Variants in CDH12 observed in about 807,000 individuals in gnomAD.
CDH12 encodes the protein cadherin-12.
Under a neutral mutation model 74.1 loss-of-function variants are expected in CDH12, and 41 were observed. That is an observed-to-expected ratio of 0.55 (90% CI 0.43 to 0.72). The LOEUF (loss-of-function observed/expected upper bound fraction) is 0.72, where lower values mean the gene tolerates loss of function less well. CDH12 is among the 30% of genes least tolerant of loss of function. The pLI, the probability that CDH12 is intolerant of heterozygous loss-of-function variation, is 0.00. For missense variants in CDH12, 945 were observed against 977.2 expected (o/e 0.97, Z 0.44); for synonymous variants, 399 against 355.0 (o/e 1.12, Z -1.39).
intron 1 of CDH12, among the ~76,000 whole-genome samples, chr5:22,763,900 C>T (rs1481614202): frequency 6.6e-6 from 1 of 151,818 alleles, no homozygotes. Flanking sequence ...AGATATAGAA[C>T]TTCAATCAGT....
At chr5:22,288,187 A>G (rs1214322323) in intron 3 of CDH12, among the ~76,000 whole-genome samples, 1 of 152,166 alleles carries the variant, frequency 6.6e-6, no homozygotes, top group Non-Finnish European at 1.5e-5. Context: ...AGATATGGAA[A>G]TATGTCTCCT....
chr5:22,183,710 G>A (rs1365098531), intron 4 of CDH12, among the ~76,000 whole-genome samples: 1 of 152,118 alleles, frequency 6.6e-6, no homozygotes, highest in Non-Finnish European at 1.5e-5. Flanking sequence ...AGGATCAGCA[G>A]GGACAATCTC....
intron 6 of CDH12, among the ~76,000 whole-genome samples, chr5:21,962,807 G>A (rs528083269): frequency 1.3e-5 from 2 of 152,186 alleles, no homozygotes; most frequent in South Asian, 4.1e-4. Context: ...CTTAATGCCT[G>A]GAATATTCAG....
chr5:21,911,065 G>A (rs9293001), intron 6 of CDH12, among the ~76,000 whole-genome samples: 146,085 of 152,310 alleles, frequency 0.96, 70,242 homozygotes, highest in East Asian at 1. Context: ...ATTTACAAGA[G>A]ATAAAAATAA....
chr5:22,293,214 C>T (rs769883447), intron 3 of CDH12, among the ~76,000 whole-genome samples: 1 of 152,090 alleles, frequency 6.6e-6, no homozygotes, highest in Non-Finnish European at 1.5e-5. Context: ...GCGGTCTGAC[C>T]CCAGCCAACG....
chr5:22,763,976 G>T (rs1018511664), intron 1 of CDH12, among the ~76,000 whole-genome samples: 1 of 151,776 alleles, frequency 6.6e-6, no homozygotes, highest in Non-Finnish European at 1.5e-5. Flanking sequence ...GCTCTCTTTG[G>T]CTTACAAAAT....
intron 2 of CDH12, among the ~76,000 whole-genome samples, chr5:22,487,052 T>TG (rs70959736): frequency 2.9e-5 from 4 of 140,280 alleles, no homozygotes; most frequent in African/African-American, 7.9e-5. Context: ...GCTTTTTTTG[T>TG]GTGTGTGTGG....
intron 4 of CDH12, among the ~76,000 whole-genome samples, chr5:22,087,288 G>C (rs562965186): frequency 6.6e-6 from 1 of 152,050 alleles, no homozygotes; most frequent in Non-Finnish European, 1.5e-5. Context: ...GCTAAAATAA[G>C]GTACAATCTA....
At chr5:21,858,312 G>T (rs942324688) in intron 6 of CDH12, among the ~76,000 whole-genome samples, 2 of 151,690 alleles carry the variant, frequency 1.3e-5, no homozygotes, top group African/African-American at 2.4e-5. Flanking sequence ...TCAGTAATTC[G>T]CAAGCAAACA....
chr5:22,819,451 CA>C (rs1334563499), intron 1 of CDH12, among the ~76,000 whole-genome samples: 2 of 151,922 alleles, frequency 1.3e-5, no homozygotes, highest in Non-Finnish European at 2.9e-5. Flanking sequence ...GTGGGCAACT[CA>C]AAAAATCAAC....
At chr5:22,597,072 G>T (rs1222829268) in intron 1 of CDH12, among the ~76,000 whole-genome samples, 1 of 152,014 alleles carries the variant, frequency 6.6e-6, no homozygotes, top group Non-Finnish European at 1.5e-5. Flanking sequence ...TTAAACAAAA[G>T]AAAATAAAAT....
At chr5:22,124,445 A>G (rs1327040455) in intron 4 of CDH12, among the ~76,000 whole-genome samples, 3 of 152,062 alleles carry the variant, frequency 2.0e-5, no homozygotes, top group African/African-American at 7.2e-5. Flanking sequence ...TTTCAAAACC[A>G]GCTTACTTCC....
chr5:22,560,306 G>C (rs1467900459), intron 1 of CDH12, among the ~76,000 whole-genome samples: 1 of 152,080 alleles, frequency 6.6e-6, no homozygotes, highest in Non-Finnish European at 1.5e-5. Flanking sequence ...CATCCTCCAG[G>C]CATGTGAATC....
chr5:22,177,450 T>C (rs1346341751), intron 4 of CDH12, among the ~76,000 whole-genome samples: 5 of 152,182 alleles, frequency 3.3e-5, no homozygotes, highest in African/African-American at 9.6e-5. Flanking sequence ...GTTTAAATTA[T>C]GTAGCACAAG....
At chr5:21,923,790 G>GA (rs1031156565) in intron 6 of CDH12, among the ~76,000 whole-genome samples, 1 of 152,126 alleles carries the variant, frequency 6.6e-6, no homozygotes, top group African/African-American at 2.4e-5. Context: ...CAATGTTTTT[G>GA]TTTTCTATGA....
In CDH12 at chr5:21,938,723, C is replaced by CATATATATATATATATATATATAT. The variant is rs545475183; in HGVS notation, c.526+36344_526+36367dup. Among the ~76,000 whole-genome samples, 73 of 112,012 alleles carry CATATATATATATATATATATATAT rather than the reference C, an allele frequency of 6.5e-4. 4 individuals are homozygous for CATATATATATATATATATATATAT. The highest frequency in any genetic ancestry group is 4.6e-3 in the Middle Eastern group (1 of 218). 73.5% of individuals were successfully genotyped at this position (112,012 alleles called of 152,430 possible). On this transcript the variant is annotated intron_variant, in intron 6 of 14. Coordinates refer to ENST00000382254, the MANE Select transcript of CDH12 (RefSeq NM_004061.5). Reference sequence around the variant, plus strand: ...TATAATATTTTATATATATAATATACATATATATATATATATATATATATA... The same window carrying CATATATATATATATATATATATAT: ...TATAATATTTTATATATATAATATACATATATATATATATATATATATATATATATATATATATATATATATATA...
At chr5:22,244,296 T>G (rs189946815) in intron 3 of CDH12, among the ~76,000 whole-genome samples, 1 of 151,574 alleles carries the variant, frequency 6.6e-6, no homozygotes, top group African/African-American at 2.4e-5. Flanking sequence ...TCGAGCCCAG[T>G]CTGACTAACA....
chr5:22,595,548 C>A (rs896339055), intron 1 of CDH12, among the ~76,000 whole-genome samples: 1 of 152,140 alleles, frequency 6.6e-6, no homozygotes, highest in Non-Finnish European at 1.5e-5. Context: ...ATGGTTATTT[C>A]ATATTCACTG....
At chr5:22,278,889 C>T (rs554275456) in intron 3 of CDH12, among the ~76,000 whole-genome samples, 2 of 152,172 alleles carry the variant, frequency 1.3e-5, no homozygotes, top group African/African-American at 4.8e-5. Context: ...AAATATCATT[C>T]AAATCTCTTT....
Sources: gnomAD v4.1 joint callset for allele counts (sites outside exome capture counted in the v4.1 genomes callset) on GRCh38, gnomAD v4.1.1 for gene constraint, MANE v1.5 for transcripts, NCBI Gene and HGNC (gene_info 2026-07-23, HGNC 2026-07-21) for gene names.